The following HRG variants were observed in gnomAD, a reference collection of about 807,000 sequenced individuals.
HRG encodes the protein histidine rich glycoprotein.
Under a neutral mutation model 29.5 loss-of-function variants are expected in HRG, and 26 were observed. The observed-to-expected ratio is 0.88, with a 90% CI of 0.65 to 1.22. The LOEUF (loss-of-function observed/expected upper bound fraction) is 1.22. Among genes scored for constraint, HRG ranks in the 50% most tolerant of loss-of-function variants. HRG has a pLI of 0.00. For synonymous variants in HRG, 243 were observed against 240.4 expected, an observed-to-expected ratio of 1.01 and a Z score of -0.10; for missense variants, 671 against 654.5, an observed-to-expected ratio of 1.03 and a Z score of -0.28.
At chr3:186,669,192 T>C in intron 2 of HRG, 141 bp downstream of exon 2, 1 of 746,914 alleles carries the variant, frequency 1.3e-6, no homozygotes, top group Non-Finnish European at 2.5e-6. Flanking sequence ...GATGTTAACC[T>C]TGAGCAATAC....
At chr3:186,676,958 C>A in intron 6 of HRG, 89 bp from the exon 7 acceptor site, 1 of 1,426,244 alleles carries the variant, frequency 7.0e-7, no homozygotes, top group Non-Finnish European at 9.9e-7. Context: ...AATCTATGAT[C>A]TGGGAGCCAT....
rs189965304 is a variant in HRG at position 186,670,085 on chromosome 3, C to A, written c.391+57C>A. On this transcript the variant is annotated intron_variant, in intron 3 of 6. Coordinates refer to ENST00000232003, the MANE Select transcript of HRG (RefSeq NM_000412.5). ...CTTGATTAATACAAATTCAATCATA[C>A]AGTGGTATTTGTCTCATCTATGTAC... 19 of 897,494 alleles carry A rather than the reference C, an allele frequency of 2.1e-5. No individual in the cohort carries two copies. In the Admixed American group the frequency reaches 2.5e-4, roughly 12 times the overall value. 55.6% of individuals were successfully genotyped at this position (897,494 alleles called of 1,614,324 possible). A position where few individuals can be genotyped will look rare whatever the true frequency, so the allele number is the denominator to read the frequency against.
chr3:186,673,889 C>A (rs905021408), intron 5 of HRG: 2 of 152,180 alleles, frequency 1.3e-5, no homozygotes, highest in East Asian at 3.9e-4. Context: ...AGAAACACCT[C>A]CACATCTGTT....
At chr3:186,672,296 C>T (rs1001771953) in intron 4 of HRG, among the ~76,000 whole-genome samples, 1 of 152,184 alleles carries the variant, frequency 6.6e-6, no homozygotes, top group Admixed American at 6.5e-5. Context: ...GATTGTGTTG[C>T]ATACAAGTAA....
At position 186,666,258 on chromosome 3, in the gene HRG, C is replaced by T. The variant is rs371609513; in HGVS notation, c.183+44C>T. 8.3e-5 allele frequency: 133 copies of T among 1,595,984 alleles called. No individual in the cohort carries two copies. In the East Asian group the frequency reaches 9.6e-4, roughly 12 times the overall value. On this transcript the variant is annotated intron_variant, in intron 1 of 6. Coordinates refer to ENST00000232003, the MANE Select transcript of HRG (RefSeq NM_000412.5). ...CAGAGCTGAGTTGGGAGATTACTCA[C>T]GGGGGCAAATGTGACTCTACCCCCT...
At position 186,677,829 on chromosome 3, in the gene HRG, CA is replaced by C; in HGVS notation, c.1526del (p.Lys509ArgfsTer20). ...SVSESCPGKF[K>X]SGFPQVSMFF... is the part of the protein sequence containing the mutation. ...TCTCTGAATCATGTCCAGGGAAGTT[CA>C]AGAGTGGGTTTCCACAAGTTTCCAT... On this transcript the variant is annotated frameshift_variant, in exon 7 of 7. Transcript: ENST00000232003. LOFTEE classifies it low-confidence loss of function (END_TRUNC). The C allele has an allele frequency of 6.2e-7, 1 of 1,614,096 alleles. No individual in the cohort carries two copies. Among genetic ancestry groups the C allele is most frequent in the South Asian group, 1.1e-5 (1 of 91,070 alleles).
chr3:186,669,882 C>A, intron 2 of HRG, 56 bp from the exon 3 acceptor site: 1 of 864,880 alleles, frequency 1.2e-6, no homozygotes, highest in Non-Finnish European at 2.0e-6. Context: ...CATATCTGAC[C>A]TGAGGAAGGC....
rs753892398 is a variant in HRG at position 186,675,175 on chromosome 3, A to G, written c.726A>G (p.Glu242=). The G allele has an allele frequency of 1.9e-5, 30 of 1,612,860 alleles. No homozygotes were observed. Among genetic ancestry groups the G allele is most frequent in the Non-Finnish European group, 2.5e-5 (29 of 1,178,864 alleles). ...ESPKNLVINC[E]VFDPQEHENI... ...CGAAAAACCTTGTCATAAACTGTGA[A>G]GTCTTCGACCCTCAGGTGGGTTGTC... is the stretch of plus-strand genomic sequence containing the variant. The change falls in exon 6 of 7, where the codon GAA becomes GAG. Residue 242 remains glutamate (E), a synonymous_variant. Coordinates refer to ENST00000232003, the MANE Select transcript of HRG (RefSeq NM_000412.5).
chr3:186,673,115 GT>G (rs770976747), intron 5 of HRG: 16 of 560,398 alleles, frequency 2.9e-5, no homozygotes, highest in Admixed American at 2.3e-4. Context: ...GTTTTGTTTT[GT>G]TTTTGAGATG....
intron 5 of HRG, 29 bp from the exon 6 acceptor site, chr3:186,675,060 C>G (rs541131560): frequency 6.9e-7 from 1 of 1,459,226 alleles, no homozygotes; most frequent in East Asian, 2.3e-5. Flanking sequence ...CCTGGACACA[C>G]ACACTAACAG....
chr3:186,671,635 T>G lies in HRG; in HGVS notation c.404T>G (p.Leu135Arg), dbSNP rs1290575151. 12 of 1,613,910 alleles carry G rather than the reference T, an allele frequency of 7.4e-6. No individual in the cohort carries two copies. The African/African-American group carries it at 1.6e-4, about 22-fold the overall frequency. Residue 135 changes from leucine to arginine, a missense_variant, in exon 4 of 7, where the codon CTG becomes CGG. Physicochemically the swap from Leu to Arg is moderately radical, Grantham distance 102 (BLOSUM62 -2). Transcript: ENST00000232003. The stretch of plus-strand genomic sequence containing the variant: ...CTTCTTTCTCCAGTCTCTTCAGCAC[T>G]GGCCAATACCAAAGATAGTCCGGTC... ...NCTTSSVSSA[L>R]ANTKDSPVLI...
Position 186,671,860 on chromosome 3 carries a change from C to T in HRG, c.558+71C>T. The T allele has an allele frequency of 3.1e-6, 4 of 1,305,992 alleles. No homozygotes were observed. In the South Asian group the frequency reaches 3.6e-5, roughly 12 times the overall value. The allele number at this position is 1,305,992 out of a possible 1,614,324, so 80.9% of individuals were successfully genotyped here. Reference sequence around the variant, plus strand: ...CAACCTGGCAGCAGGAACTGAATGGCATACCCTCTCCACCTGCCTCAATTG... The same window carrying T: ...CAACCTGGCAGCAGGAACTGAATGGTATACCCTCTCCACCTGCCTCAATTG... On this transcript the variant is annotated intron_variant, in intron 4 of 6. Transcript: ENST00000232003.
chr3:186,669,190 C>A (rs1718708145), intron 2 of HRG, 139 bp downstream of exon 2: 2 of 750,142 alleles, frequency 2.7e-6, no homozygotes, highest in Non-Finnish European at 4.9e-6. Context: ...ATGATGTTAA[C>A]CTTGAGCAAT....
chr3:186,673,001 G>A (rs1312301286), intron 5 of HRG, 134 bp downstream of exon 5: 1 of 720,226 alleles, frequency 1.4e-6, no homozygotes, highest in East Asian at 2.7e-5. Context: ...ATGAGGAGGA[G>A]GAGAAGGAGG....
chr3:186,675,329 G>GAC, intron 6 of HRG, 139 bp downstream of exon 6: 1 of 664,452 alleles, frequency 1.5e-6, no homozygotes, highest in Non-Finnish European at 2.8e-6. Flanking sequence ...GAGAGAGAGA[G>GAC]AGACAGAGAC....
At position 186,677,764 on chromosome 3, in the gene HRG, C is replaced by G. The variant is rs200206741; in HGVS notation, c.1459C>G (p.His487Asp). ...FPSFPLPHHK[H>D]PLKPDNQPFP... ...CAGCTTCCCATTGCCGCACCACAAACATCCTCTAAAGCCAGACAATCAGCC... is the reference window on the plus strand; with the variant it reads ...CAGCTTCCCATTGCCGCACCACAAAGATCCTCTAAAGCCAGACAATCAGCC... The change falls in exon 7 of 7, where the codon CAT (histidine) becomes GAT (aspartate). Residue 487 changes from histidine (H) to aspartate (D), a missense_variant. His to Asp is a moderately conservative substitution (Grantham distance 81, BLOSUM62 -1). Transcript: ENST00000232003. 140 of 1,612,918 alleles carry G rather than the reference C, an allele frequency of 8.7e-5. 1 individual carries two copies. The highest frequency in any genetic ancestry group is 2.8e-4 in the Admixed American group (17 of 59,984).
At chr3:186,675,002 C>T (rs1718921250) in intron 5 of HRG, 87 bp from the exon 6 acceptor site, 1 of 874,562 alleles carries the variant, frequency 1.1e-6, no homozygotes, top group Non-Finnish European at 2.0e-6. Flanking sequence ...GCACTTCTTC[C>T]TTTTCTGAAT....
In HRG at chr3:186,671,741, T is replaced by C; in HGVS notation, c.510T>C (p.Asp170=). 1 of 1,613,972 alleles carries C rather than the reference T, an allele frequency of 6.2e-7. No homozygotes were observed. Among genetic ancestry groups the C allele is most frequent in the Non-Finnish European group, 8.5e-7 (1 of 1,179,892 alleles). Residue 170 remains aspartate, a synonymous_variant, in exon 4 of 7, where the codon GAT becomes GAC. Coordinates refer to ENST00000232003, the MANE Select transcript of HRG (RefSeq NM_000412.5). ...KALEKYKEEN[D]DFASFRVDRI... is the part of the protein sequence containing the mutation. ...TTGAGAAGTACAAAGAGGAGAATGA[T>C]GACTTTGCCTCTTTCAGAGTGGACC...
chr3:186,678,031 G>A lies in HRG; in HGVS notation c.*148G>A. 1.3e-6 allele frequency: 1 copy of A among 770,080 alleles called. No homozygotes were observed. The highest frequency in any genetic ancestry group is 2.1e-6 in the Non-Finnish European group (1 of 472,592). 47.7% of individuals were successfully genotyped at this position (770,080 alleles called of 1,614,324 possible). ...ATGTGAATGGGAAAAGAGATGGCCT[G>A]AGAAGAGAGATCAAATGGAAAGGAG... is the stretch of plus-strand genomic sequence containing the variant. On this transcript the variant is annotated 3_prime_UTR_variant, in exon 7 of 7. Transcript: ENST00000232003.
Sources: gnomAD v4.1 joint callset for allele counts (sites outside exome capture counted in the v4.1 genomes callset) on GRCh38, gnomAD v4.1.1 for gene constraint, MANE v1.5 for transcripts, NCBI Gene and HGNC (gene_info 2026-07-23, HGNC 2026-07-21) for gene names.